Variants in NCK2 observed in about 807,000 individuals in gnomAD.
NCK2 encodes cytoplasmic protein NCK2.
In NCK2, 16 loss-of-function variants were observed where a neutral mutation model predicts 33.9. The ratio of observed to expected loss-of-function variants is 0.47; its 90% CI spans 0.32 to 0.72. NCK2 has a LOEUF of 0.72. NCK2 is among the 30% of genes least tolerant of loss of function. NCK2 has a pLI of 0.03. For synonymous variants in NCK2, 273 were observed against 239.9 expected (o/e 1.14, Z -1.27); for missense variants, 418 against 537.3 (o/e 0.78, Z 2.19).
chr2:105,869,916 T>C (rs1439305198), intron 3 of NCK2, among the ~76,000 whole-genome samples: 29 of 152,236 alleles, frequency 1.9e-4, no homozygotes, highest in Admixed American at 1.9e-3. Context: ...TTAGACCATT[T>C]TTTTTTCAGG....
At chr2:105,873,209 G>A (rs1242181576) in intron 3 of NCK2, among the ~76,000 whole-genome samples, 5 of 152,144 alleles carry the variant, frequency 3.3e-5, no homozygotes, top group Admixed American at 1.3e-4. Flanking sequence ...GTCTGAAATC[G>A]ATTTGTACCC....
chr2:105,823,132 C>CTGTGTGTGTGTG (rs10610689), intron 2 of NCK2, among the ~76,000 whole-genome samples: 86 of 148,628 alleles, frequency 5.8e-4, no homozygotes, highest in East Asian at 2.6e-3. Flanking sequence ...TCCTCTCATG[C>CTGTGTGTGTGTG]TGTGTGTGTG....
intron 2 of NCK2, among the ~76,000 whole-genome samples, chr2:105,852,388 G>A (rs1677102825): frequency 6.6e-6 from 1 of 152,108 alleles, no homozygotes; most frequent in Non-Finnish European, 1.5e-5. Flanking sequence ...TCTAAGGCTC[G>A]GAAGAATTAC....
chr2:105,811,915 A>G (rs1675306856), intron 1 of NCK2, among the ~76,000 whole-genome samples: 1 of 152,140 alleles, frequency 6.6e-6, no homozygotes, highest in South Asian at 2.1e-4. Context: ...TGAAGGCAGA[A>G]ATCATTATTC....
intron 3 of NCK2, among the ~76,000 whole-genome samples, chr2:105,859,463 C>A (rs1339207543): frequency 6.6e-6 from 1 of 152,220 alleles, no homozygotes; most frequent in African/African-American, 2.4e-5. Flanking sequence ...CCCAACAGGA[C>A]CACACCTAGG....
At chr2:105,760,625 G>A (rs1986015) in intron 1 of NCK2, among the ~76,000 whole-genome samples, 36,218 of 151,852 alleles carry the variant, frequency 0.24, 4,816 homozygotes, top group Middle Eastern at 0.36. Context: ...TATCAACCAA[G>A]GGTCTTTGCT....
chr2:105,819,063 A>G (rs1675622210), intron 2 of NCK2, among the ~76,000 whole-genome samples: 1 of 152,018 alleles, frequency 6.6e-6, no homozygotes, highest in Non-Finnish European at 1.5e-5. Context: ...TGTCCCGTTG[A>G]TTTAGGGTGT....
intron 1 of NCK2, among the ~76,000 whole-genome samples, chr2:105,807,650 A>C (rs537181047): frequency 4.1e-4 from 62 of 149,876 alleles, no homozygotes; most frequent in African/African-American, 1.5e-3. Flanking sequence ...GGCTGATCTG[A>C]CCCACAAGGT....
Position 105,773,627 on chromosome 2 carries a change from T to C in NCK2, c.-201+28489T>C, listed in dbSNP as rs555166904. The stretch of plus-strand genomic sequence containing the variant: ...CCCTTTGACACTATGGTTCATTTCT[T>C]ATATGCTAGAGCATCCTGGTTTATG... On this transcript the variant is annotated intron_variant, in intron 1 of 4. Coordinates refer to ENST00000233154, the MANE Select transcript of NCK2 (RefSeq NM_003581.5). Among the ~76,000 whole-genome samples the C allele has an allele frequency of 1.6e-4, 25 of 152,284 alleles. 1 individual carries two copies. In the South Asian group the frequency reaches 4.8e-3, roughly 29 times the overall value.
chr2:105,825,421 G>C (rs953086899), intron 2 of NCK2, among the ~76,000 whole-genome samples: 2 of 152,200 alleles, frequency 1.3e-5, no homozygotes, highest in Admixed American at 6.5e-5. Context: ...CCTCAGTGGA[G>C]ACTTGTCTTA....
At chr2:105,792,566 G>A (rs73946298) in intron 1 of NCK2, among the ~76,000 whole-genome samples, 1,668 of 151,984 alleles carry the variant, frequency 0.011, 31 homozygotes, top group African/African-American at 0.038. Flanking sequence ...GTCCACACAT[G>A]CAGCTGAATG....
intron 1 of NCK2, among the ~76,000 whole-genome samples, chr2:105,761,826 G>A (rs894557983): frequency 6.6e-6 from 1 of 152,198 alleles, no homozygotes; most frequent in African/African-American, 2.4e-5. Flanking sequence ...GCTGCAGTGA[G>A]CCGTGATCAG....
At chr2:105,868,582 T>G (rs1488229193) in intron 3 of NCK2, among the ~76,000 whole-genome samples, 1 of 152,222 alleles carries the variant, frequency 6.6e-6, no homozygotes, top group East Asian at 1.9e-4. Context: ...GTTCTAATGC[T>G]GCTAATTGAA....
intron 2 of NCK2, among the ~76,000 whole-genome samples, chr2:105,852,690 A>G (rs1677112999): frequency 6.6e-6 from 1 of 152,168 alleles, no homozygotes; most frequent in Non-Finnish European, 1.5e-5. Context: ...TTCAGATGGA[A>G]TATTCTCTGA....
intron 2 of NCK2, among the ~76,000 whole-genome samples, chr2:105,817,203 G>A (rs1413786136): frequency 2.0e-5 from 3 of 146,630 alleles, no homozygotes; most frequent in African/African-American, 2.5e-5. Context: ...TACATCAAAT[G>A]AGATGCAGAC....
At chr2:105,782,866 A>G (rs1381647000) in intron 1 of NCK2, among the ~76,000 whole-genome samples, 3 of 152,170 alleles carry the variant, frequency 2.0e-5, no homozygotes, top group Non-Finnish European at 2.9e-5. Context: ...ACTGTCCCCA[A>G]CGCTCCCAAC....
At chr2:105,872,190 A>ATGCTCCTGCCCTGCCCAGATCCCTCTC (rs1678042881) in intron 3 of NCK2, among the ~76,000 whole-genome samples, 1 of 152,162 alleles carries the variant, frequency 6.6e-6, no homozygotes, top group Admixed American at 6.5e-5. Flanking sequence ...GGAGAGCTCT[A>ATGCTCCTGCCCTGCCCAGATCCCTCTC]TGCTCCTGCC....
chr2:105,783,009 A>G (rs1045829679), intron 1 of NCK2, among the ~76,000 whole-genome samples: 5 of 152,176 alleles, frequency 3.3e-5, no homozygotes, highest in Admixed American at 6.5e-5. Flanking sequence ...TATCATTTGC[A>G]ACAGGTAAGC....
At chr2:105,779,522 C>G (rs1690419814) in intron 1 of NCK2, among the ~76,000 whole-genome samples, 1 of 152,148 alleles carries the variant, frequency 6.6e-6, no homozygotes, top group Non-Finnish European at 1.5e-5. Flanking sequence ...GTGGCTGCGT[C>G]CAGCTGAACT....
Sources: gnomAD v4.1 joint callset for allele counts (sites outside exome capture counted in the v4.1 genomes callset) on GRCh38, gnomAD v4.1.1 for gene constraint, MANE v1.5 for transcripts, NCBI Gene and HGNC (gene_info 2026-07-23, HGNC 2026-07-21) for gene names.